RNF32: variants seen among roughly 807,000 people sequenced by gnomAD.
RNF32 encodes ring finger protein 32.
RNF32 carries 36 observed loss-of-function variants against 41.0 expected under a neutral mutation model. The observed-to-expected ratio is 0.88, with a 90% CI of 0.67 to 1.16. The LOEUF is 1.16. Among genes scored for constraint, RNF32 ranks in the 50% most tolerant of loss-of-function variants. The pLI, the probability that RNF32 is intolerant of heterozygous loss-of-function variation, is 0.00. For missense variants in RNF32, 413 were observed against 436.7 expected, an observed-to-expected ratio of 0.95 and a Z score of 0.48; for synonymous variants, 154 against 160.9, an observed-to-expected ratio of 0.96 and a Z score of 0.32.
chr7:156,662,657 T>C (rs896995745), intron 7 of RNF32, among the ~76,000 whole-genome samples: 7 of 151,914 alleles, frequency 4.6e-5, no homozygotes, highest in African/African-American at 1.7e-4. Context: ...CCCATATAAA[T>C]AGAAATCATT....
At chr7:156,656,894 G>A (rs1799773217) in intron 4 of RNF32, among the ~76,000 whole-genome samples, 1 of 152,208 alleles carries the variant, frequency 6.6e-6, no homozygotes, top group Non-Finnish European at 1.5e-5. Flanking sequence ...GTGGGCTGGC[G>A]GCTGTCCCTT....
At chr7:156,651,140 C>T (rs1487367608) in intron 3 of RNF32, among the ~76,000 whole-genome samples, 1 of 152,016 alleles carries the variant, frequency 6.6e-6, no homozygotes, top group African/African-American at 2.4e-5. Context: ...TTCCCCTGAC[C>T]CATTTTGGGC....
chr7:156,660,518 T>C (rs1800476810), intron 7 of RNF32, among the ~76,000 whole-genome samples: 1 of 152,192 alleles, frequency 6.6e-6, no homozygotes, highest in Non-Finnish European at 1.5e-5. Flanking sequence ...ATAAGTTGTT[T>C]TTTATTTTTA....
chr7:156,654,648 GCT>G lies in RNF32; in HGVS notation c.353_354del (p.Leu118ProfsTer13). On this transcript the variant is annotated frameshift_variant, in exon 4 of 9. Transcript: ENST00000317955. LOFTEE classifies it high-confidence loss of function. ...GATGAATGGGAGAAGGTGAAACAGC[GCT>G]CTCTCCTGCAAGGGGACTCCGTGCA... 6.2e-7 allele frequency: 1 copy of G among 1,613,962 alleles called. No homozygotes were observed. Among genetic ancestry groups the G allele is most frequent in the Non-Finnish European group, 8.5e-7 (1 of 1,179,848 alleles).
At chr7:156,648,034 T>TC (rs984747337) in intron 3 of RNF32, among the ~76,000 whole-genome samples, 1 of 151,920 alleles carries the variant, frequency 6.6e-6, no homozygotes, top group Middle Eastern at 3.4e-3. Context: ...TATTTGTTTT[T>TC]TTTTTTTCTT....
chr7:156,660,584 A>G (rs1156548794), intron 7 of RNF32, among the ~76,000 whole-genome samples: 1 of 152,102 alleles, frequency 6.6e-6, no homozygotes, highest in Non-Finnish European at 1.5e-5. Context: ...CCTGGGCTGA[A>G]GCGAACCTCC....
At chr7:156,659,605 T>TA (rs1295587280) in intron 7 of RNF32, 15 of 935,556 alleles carry the variant, frequency 1.6e-5, no homozygotes, top group Non-Finnish European at 1.9e-5. Flanking sequence ...ACAGATTTGA[T>TA]AGTCATTTTA....
chr7:156,645,727 C>T (rs1383848140), intron 3 of RNF32, among the ~76,000 whole-genome samples: 1 of 152,164 alleles, frequency 6.6e-6, no homozygotes, highest in Non-Finnish European at 1.5e-5. Context: ...GGGTTAAGAA[C>T]ATACGATAAT....
intron 7 of RNF32, chr7:156,659,192 G>A (rs1800220708): frequency 8.6e-7 from 1 of 1,158,370 alleles, no homozygotes; most frequent in South Asian, 3.7e-5. Context: ...CAGCTCCGAG[G>A]CTGTCATATG....
intron 4 of RNF32, among the ~76,000 whole-genome samples, chr7:156,656,063 T>C (rs925247188): frequency 2.0e-5 from 3 of 152,246 alleles, no homozygotes; most frequent in African/African-American, 7.2e-5. Flanking sequence ...CATGTTCAGA[T>C]TTTTCCTTAG....
rs1804166031 is a variant in RNF32 at position 156,676,909 on chromosome 7, T to C, written c.*254T>C. 9.1e-6 allele frequency: 4 copies of C among 438,710 alleles called. No homozygotes were observed. Among genetic ancestry groups the C allele is most frequent in the Non-Finnish European group, 1.7e-5 (4 of 242,192 alleles). 27.2% of individuals were successfully genotyped at this position (438,710 alleles called of 1,614,324 possible). Reference sequence around the variant, plus strand: ...AATATGAATAGCAAAAAATGAGAGCTTGCTTACTTCTAAAAATTGAGGTTA... The same window carrying C: ...AATATGAATAGCAAAAAATGAGAGCCTGCTTACTTCTAAAAATTGAGGTTA... On this transcript the variant is annotated 3_prime_UTR_variant, in exon 9 of 9. Coordinates refer to ENST00000317955, the MANE Select transcript of RNF32 (RefSeq NM_030936.4).
rs77959650 is a variant in RNF32 at position 156,674,660 on chromosome 7, C to T, written c.685-1036C>T. Among the ~76,000 whole-genome samples the T allele has an allele frequency of 8.4e-4, 127 of 152,082 alleles. 4 individuals carry two copies. In the East Asian group the frequency reaches 0.018, roughly 22 times the overall value. ...AAGCACTCCAGTTTGGGTGACAGAG[C>T]GAGATGCTGTCTCCACCAAACCAAA... is the stretch of plus-strand genomic sequence containing the variant. On this transcript the variant is annotated intron_variant, in intron 7 of 8. Coordinates refer to ENST00000317955, the MANE Select transcript of RNF32 (RefSeq NM_030936.4).
intron 7 of RNF32, 175 bp downstream of exon 7, chr7:156,658,745 T>C: frequency 1.2e-6 from 1 of 816,812 alleles, no homozygotes; most frequent in Non-Finnish European, 2.0e-6. Context: ...CTTTCCAACC[T>C]AGATGTTCAA....
chr7:156,674,497 G>A (rs1803349373), intron 7 of RNF32, among the ~76,000 whole-genome samples: 1 of 152,168 alleles, frequency 6.6e-6, no homozygotes, highest in Non-Finnish European at 1.5e-5. Flanking sequence ...CTAAAAAGGA[G>A]CCGCTGGTGT....
At chr7:156,640,692 A>G (rs1011628771), upstream of RNF32, 4 of 293,104 alleles carry the variant, frequency 1.4e-5, no homozygotes, top group Admixed American at 5.3e-5. Context: ...GCTGGTGAGC[A>G]AGCCCGCGGG....
At chr7:156,648,681 C>G (rs1324879458) in intron 3 of RNF32, among the ~76,000 whole-genome samples, 3 of 152,176 alleles carry the variant, frequency 2.0e-5, no homozygotes, top group African/African-American at 7.2e-5. Flanking sequence ...ACATAATATT[C>G]CACTTGGATT....
intron 7 of RNF32, among the ~76,000 whole-genome samples, chr7:156,667,683 A>C (rs1334885671): frequency 1.3e-5 from 2 of 152,232 alleles, no homozygotes; most frequent in Non-Finnish European, 2.9e-5. Flanking sequence ...GAATCTGACA[A>C]TTAAAAATAT....
At chr7:156,659,506 G>A (rs1195032403) in intron 7 of RNF32, 2 of 985,016 alleles carry the variant, frequency 2.0e-6, no homozygotes, top group South Asian at 4.7e-5. Flanking sequence ...TGTGTTCTCT[G>A]GGCTACTCTT....
rs1253166143 is a variant in RNF32 at position 156,655,231 on chromosome 7, A to ACG, written c.417+521_417+522dup. Among the ~76,000 whole-genome samples, 558 of 148,590 alleles carry ACG rather than the reference A, an allele frequency of 3.8e-3. 1 individual carries two copies. The highest frequency in any genetic ancestry group is 0.014 in the East Asian group (69 of 5,058). ...TACTCTGGGTTAACAGATAATATAC[A>ACG]CGCGCGCGCACACACACACACACAC... On this transcript the variant is annotated intron_variant, in intron 4 of 8. Transcript: ENST00000317955.
Sources: gnomAD v4.1 joint callset for allele counts (sites outside exome capture counted in the v4.1 genomes callset) on GRCh38, gnomAD v4.1.1 for gene constraint, MANE v1.5 for transcripts, NCBI Gene and HGNC (gene_info 2026-07-23, HGNC 2026-07-21) for gene names.